RBFOX2: variants seen among roughly 807,000 people sequenced by gnomAD.
The protein encoded by RBFOX2 is RNA binding protein fox-1 homolog 2.
Under a neutral mutation model 49.1 loss-of-function variants are expected in RBFOX2, and 10 were observed. The observed-to-expected ratio is 0.20, with a 90% CI of 0.13 to 0.35. The LOEUF is 0.35. RBFOX2 is among the 10% of genes least tolerant of loss of function. RBFOX2 has a pLI of 1.00. For synonymous variants in RBFOX2, 183 were observed against 187.4 expected (o/e 0.98, Z 0.19); for missense variants, 323 against 486.9 (o/e 0.66, Z 3.17).
chr22:35,930,026 T>C (rs1215274301), intron 1 of RBFOX2, among the ~76,000 whole-genome samples: 4 of 147,972 alleles, frequency 2.7e-5, no homozygotes, highest in Non-Finnish European at 6.0e-5. Flanking sequence ...ACTTTTTTTT[T>C]TTTTTTTTTT....
At chr22:35,971,058 T>C (rs2056843572) in intron 1 of RBFOX2, among the ~76,000 whole-genome samples, 1 of 152,152 alleles carries the variant, frequency 6.6e-6, no homozygotes, top group African/African-American at 2.4e-5. Context: ...TCATAGTGCC[T>C]GCAGCTGAGT....
chr22:35,810,839 C>T (rs1012702022), intron 1 of RBFOX2, among the ~76,000 whole-genome samples: 1 of 151,936 alleles, frequency 6.6e-6, no homozygotes, highest in African/African-American at 2.4e-5. Context: ...ATCCAAAACC[C>T]CCAAAAGTTT....
intron 1 of RBFOX2, among the ~76,000 whole-genome samples, chr22:35,951,104 C>G (rs1029816771): frequency 1.3e-5 from 2 of 151,652 alleles, no homozygotes; most frequent in Non-Finnish European, 2.9e-5. Flanking sequence ...CAGGCGCGTG[C>G]CACCACGCCC....
At chr22:35,797,258 A>G (rs904984254) in intron 2 of RBFOX2, among the ~76,000 whole-genome samples, 2 of 152,208 alleles carry the variant, frequency 1.3e-5, no homozygotes, top group African/African-American at 4.8e-5. Flanking sequence ...CAAAACTAAT[A>G]TATTTGAGTG....
chr22:35,895,945 T>C (rs1237929127), intron 1 of RBFOX2, among the ~76,000 whole-genome samples: 2 of 152,266 alleles, frequency 1.3e-5, no homozygotes, highest in Non-Finnish European at 2.9e-5. Context: ...TCATTCATTA[T>C]GCCCAGTGGT....
chr22:35,816,657 A>G (rs542360063), intron 1 of RBFOX2, among the ~76,000 whole-genome samples: 1 of 152,294 alleles, frequency 6.6e-6, no homozygotes, highest in African/African-American at 2.4e-5. Flanking sequence ...GTTGTCTGGA[A>G]CTTACTGAAT....
At chr22:35,781,923 G>A (rs1360666915) in intron 2 of RBFOX2, among the ~76,000 whole-genome samples, 177 bp from the exon 4 acceptor site, 3 of 152,178 alleles carry the variant, frequency 2.0e-5, no homozygotes, top group African/African-American at 7.2e-5. Flanking sequence ...TGCTATTAAT[G>A]TTCTAAATGC....
At chr22:35,821,184 A>G (rs1026596271) in intron 1 of RBFOX2, among the ~76,000 whole-genome samples, 8 of 152,234 alleles carry the variant, frequency 5.3e-5, no homozygotes, top group African/African-American at 1.9e-4. Flanking sequence ...TATCTTTGAT[A>G]GTTATTTCCA....
chr22:36,003,493 G>C (rs2058506004), intron 1 of RBFOX2, among the ~76,000 whole-genome samples: 1 of 152,182 alleles, frequency 6.6e-6, no homozygotes, highest in Non-Finnish European at 1.5e-5. Flanking sequence ...CAAATGTCCA[G>C]CTACACATAC....
At chr22:35,814,710 CAAAAA>C (rs55971445) in intron 1 of RBFOX2, among the ~76,000 whole-genome samples, 11 of 31,026 alleles carry the variant, frequency 3.5e-4, no homozygotes, top group African/African-American at 1.1e-3. Context: ...AACCCTGTCT[CAAAAA>C]AAAAAAAAAA....
chr22:35,872,142 G>A (rs138396308), intron 1 of RBFOX2, among the ~76,000 whole-genome samples: 182 of 152,302 alleles, frequency 1.2e-3, no homozygotes, highest in Admixed American at 1.6e-3. Flanking sequence ...CATTACTGGG[G>A]TTGCTCTTAG....
At chr22:35,820,303 G>C (rs1050671587) in intron 1 of RBFOX2, among the ~76,000 whole-genome samples, 1 of 152,156 alleles carries the variant, frequency 6.6e-6, no homozygotes, top group African/African-American at 2.4e-5. Flanking sequence ...AGATGAAGAG[G>C]GTTTGGTGCA....
chr22:35,982,795 T>TAA (rs755548324), intron 1 of RBFOX2, among the ~76,000 whole-genome samples: 3 of 141,124 alleles, frequency 2.1e-5, no homozygotes, highest in Admixed American at 7.1e-5. Context: ...GGGTATCGTT[T>TAA]AAAAAAAAAA....
upstream of RBFOX2, chr22:35,939,277 A>G (rs551106438): frequency 8.5e-6 from 4 of 471,460 alleles, no homozygotes; most frequent in East Asian, 2.6e-4. Flanking sequence ...ACCCCTAAAC[A>G]CTAGGATAAC....
chr22:35,948,167 T>G (rs1245795680), intron 1 of RBFOX2, among the ~76,000 whole-genome samples: 1 of 152,194 alleles, frequency 6.6e-6, no homozygotes, highest in Admixed American at 6.5e-5. Context: ...AAGTATTCAG[T>G]ATAGTCACAT....
intron 1 of RBFOX2, among the ~76,000 whole-genome samples, chr22:36,008,154 T>G (rs534236441): frequency 6.6e-6 from 1 of 152,324 alleles, no homozygotes; most frequent in South Asian, 2.1e-4. Flanking sequence ...GAGTTCCTAT[T>G]TCTTTACTCA....
At chr22:35,802,853 T>C (rs1025592573) in intron 2 of RBFOX2, among the ~76,000 whole-genome samples, 6 of 152,032 alleles carry the variant, frequency 3.9e-5, no homozygotes, top group Non-Finnish European at 8.8e-5. Context: ...AAGGGAGACA[T>C]AAGAGGTCTC....
intron 4 of RBFOX2, among the ~76,000 whole-genome samples, chr22:35,773,062 AAACT>A (rs1285155421): frequency 6.6e-6 from 1 of 151,206 alleles, no homozygotes; most frequent in South Asian, 2.1e-4. Context: ...AAAAAAAAAC[AAACT>A]AAGCCCTTCA....
At chr22:35,758,591 G>A (rs1240475553) in intron 9 of RBFOX2, among the ~76,000 whole-genome samples, 1 of 152,134 alleles carries the variant, frequency 6.6e-6, no homozygotes, top group Non-Finnish European at 1.5e-5. Flanking sequence ...GAAGGTCAAA[G>A]GTCAAGTTGA....
Sources: allele counts gnomAD v4.1 joint callset (sites outside exome capture counted in the v4.1 genomes callset), GRCh38; gene constraint gnomAD v4.1.1; transcripts MANE v1.5; gene names NCBI Gene and HGNC (gene_info 2026-07-23, HGNC 2026-07-21).